Variants in CHN2 observed in about 807,000 individuals in gnomAD.
The protein encoded by CHN2 is chimerin 2.
Under a neutral mutation model 56.3 loss-of-function variants are expected in CHN2, and 35 were observed. The observed-to-expected ratio is 0.62, with a 90% CI of 0.47 to 0.82. CHN2 has a LOEUF of 0.82. Among genes scored for constraint, CHN2 ranks in the 40% least tolerant of loss-of-function variants. CHN2 has a pLI of 0.00. For missense variants in CHN2, 491 were observed against 580.5 expected (o/e 0.85, Z 1.58); for synonymous variants, 210 against 212.8 (o/e 0.99, Z 0.12).
chr7:29,237,552 A>T (rs1374657154), intron 1 of CHN2, among the ~76,000 whole-genome samples: 2 of 152,158 alleles, frequency 1.3e-5, no homozygotes, highest in African/African-American at 2.4e-5. Flanking sequence ...AAAGGAAAAA[A>T]TTTAAAGCAT....
Position 29,507,261 on chromosome 7 carries a change from A to C in CHN2, c.1025A>C (p.Tyr342Ser). ...AAGGCCGATATATCTGCCAATGTCTATCCAGACATAAACATCATCACTGGA... is the reference window on the plus strand; with the variant it reads ...AAGGCCGATATATCTGCCAATGTCTCTCCAGACATAAACATCATCACTGGA... ...GEKADISANV[Y>S]PDINIITGAL... is the part of the protein sequence containing the mutation. The change falls in exon 11 of 13, where the codon TAT becomes TCT. Residue 342 changes from tyrosine (Y) to serine (S), a missense_variant. Tyr to Ser is a moderately radical substitution (Grantham distance 144, BLOSUM62 -2). Transcript: ENST00000222792. 1 of 1,611,982 alleles carries C rather than the reference A, an allele frequency of 6.2e-7. No individual in the cohort carries two copies. Among genetic ancestry groups the C allele is most frequent in the Non-Finnish European group, 8.5e-7 (1 of 1,179,274 alleles).
At chr7:29,335,250 A>T (rs1796529443) in intron 1 of CHN2, among the ~76,000 whole-genome samples, 1 of 152,250 alleles carries the variant, frequency 6.6e-6, no homozygotes, top group Non-Finnish European at 1.5e-5. Flanking sequence ...GCAATATAAC[A>T]GATTAATTCT....
chr7:29,376,408 GCTTCTAATC>G (rs927000236), intron 3 of CHN2: 3 of 152,230 alleles, frequency 2.0e-5, no homozygotes, highest in African/African-American at 7.2e-5. Flanking sequence ...CAATGGCTGG[GCTTCTAATC>G]CAGTGAGTCA....
chr7:29,218,657 C>T (rs1338491935), intron 1 of CHN2, among the ~76,000 whole-genome samples: 1 of 151,912 alleles, frequency 6.6e-6, no homozygotes, highest in Non-Finnish European at 1.5e-5. Flanking sequence ...TTTGTAGGGA[C>T]ATGGATGAAA....
intron 1 of CHN2, among the ~76,000 whole-genome samples, chr7:29,224,739 T>C (rs1178464598): frequency 1.3e-5 from 2 of 152,254 alleles, no homozygotes; most frequent in Non-Finnish European, 2.9e-5. Flanking sequence ...TTTAAAATAA[T>C]CTTATAGTTG....
intron 1 of CHN2, among the ~76,000 whole-genome samples, chr7:29,331,596 C>T (rs1450556619): frequency 1.3e-5 from 2 of 152,120 alleles, no homozygotes; most frequent in African/African-American, 4.8e-5. Flanking sequence ...GAGGTCAACA[C>T]CCTGGCATGG....
intron 6 of CHN2, among the ~76,000 whole-genome samples, chr7:29,474,796 G>C (rs1786452477): frequency 6.6e-6 from 1 of 152,190 alleles, no homozygotes; most frequent in African/African-American, 2.4e-5. Flanking sequence ...CTTGAAGTTT[G>C]TGGAAAGGTT....
chr7:29,197,885 A>G (rs1783867440), intron 1 of CHN2: 1 of 456,188 alleles, frequency 2.2e-6, no homozygotes, highest in Non-Finnish European at 4.4e-6. Flanking sequence ...ATGTCATATG[A>G]GTTGGGCCTT....
chr7:29,320,608 T>C (rs1366731182), intron 1 of CHN2, among the ~76,000 whole-genome samples: 2 of 152,212 alleles, frequency 1.3e-5, no homozygotes, highest in African/African-American at 4.8e-5. Flanking sequence ...TAACAGCTAG[T>C]TGGATCCCAG....
In CHN2 at chr7:29,480,628, T is replaced by C. The variant is rs374240855; in HGVS notation, c.654+272T>C. Among the ~76,000 whole-genome samples the C allele has an allele frequency of 2.6e-5, 4 of 152,342 alleles. No individual in the cohort carries two copies. The East Asian group carries it at 5.8e-4, about 22-fold the overall frequency. The stretch of plus-strand genomic sequence containing the variant: ...GGCCCATTGCCACTTCACGTTCCCA[T>C]GTCCAGTGAAATAAACACAGAGCAT... On this transcript the variant is annotated intron_variant, in intron 7 of 12. Coordinates refer to ENST00000222792, the MANE Select transcript of CHN2 (RefSeq NM_004067.4).
Position 29,328,422 on chromosome 7 carries a change from AGAG to A in CHN2, c.50-26202_50-26200del, listed in dbSNP as rs879781500. On this transcript the variant is annotated intron_variant, in intron 1 of 12. Coordinates refer to ENST00000222792, the MANE Select transcript of CHN2 (RefSeq NM_004067.4). ...AGATATAACAAGAGCATTTCTTTTG[AGAG>A]TTTAACTTGGGCTGAATTTATATAG... Among the ~76,000 whole-genome samples the A allele has an allele frequency of 8.3e-3, 1,258 of 152,284 alleles. 7 individuals carry two copies. The highest frequency in any genetic ancestry group is 0.017 in the Middle Eastern group (5 of 294).
chr7:29,262,463 A>C (rs996275328), intron 1 of CHN2, among the ~76,000 whole-genome samples: 1 of 152,250 alleles, frequency 6.6e-6, no homozygotes, highest in Admixed American at 6.5e-5. Context: ...GAGTTAAATT[A>C]TATCAGGATT....
chr7:29,158,704 T>C (rs1192802037), intron 2 of CHN2, among the ~76,000 whole-genome samples: 5 of 152,238 alleles, frequency 3.3e-5, no homozygotes, highest in African/African-American at 1.2e-4. Flanking sequence ...GTTAACAGTT[T>C]AATATAAAAG....
chr7:29,432,371 A>G (rs1056263910), intron 6 of CHN2, among the ~76,000 whole-genome samples: 52 of 152,192 alleles, frequency 3.4e-4, no homozygotes, highest in African/African-American at 1.3e-3. Context: ...CCCAAGGCTA[A>G]TACCTTTTCT....
chr7:29,322,869 G>A lies in CHN2; in HGVS notation c.50-31756G>A, dbSNP rs560117910. Reference sequence around the variant, plus strand: ...GAAGCAACTTTTGGAGACCACTAGTGTGCTTCCTTGTGGCTGGGTGCGGTG... The same window carrying A: ...GAAGCAACTTTTGGAGACCACTAGTATGCTTCCTTGTGGCTGGGTGCGGTG... On this transcript the variant is annotated intron_variant, in intron 1 of 12. Coordinates refer to ENST00000222792, the MANE Select transcript of CHN2 (RefSeq NM_004067.4). Among the ~76,000 whole-genome samples, 12 of 152,270 alleles carry A rather than the reference G, an allele frequency of 7.9e-5. No homozygotes were observed. In the South Asian group the frequency reaches 2.5e-3, roughly 32 times the overall value.
At chr7:29,252,389 C>A (rs972413745) in intron 1 of CHN2, among the ~76,000 whole-genome samples, 1 of 150,444 alleles carries the variant, frequency 6.6e-6, no homozygotes, top group Non-Finnish European at 1.5e-5. Flanking sequence ...GGAGTTTCAC[C>A]GTGTTAGCCA....
chr7:29,462,859 C>T (rs375889650), intron 6 of CHN2, among the ~76,000 whole-genome samples: 18 of 151,688 alleles, frequency 1.2e-4, no homozygotes, highest in African/African-American at 4.4e-4. Context: ...TGGTGTGCTG[C>T]ACCCAATAAC....
chr7:29,363,948 G>A (rs1798936636), intron 2 of CHN2, among the ~76,000 whole-genome samples: 1 of 152,132 alleles, frequency 6.6e-6, no homozygotes, highest in South Asian at 2.1e-4. Context: ...GGGACAAGAG[G>A]ATTGTTTGAA....
intron 1 of CHN2, among the ~76,000 whole-genome samples, chr7:29,286,344 G>A (rs1201828539): frequency 6.6e-6 from 1 of 151,910 alleles, no homozygotes; most frequent in Admixed American, 6.6e-5. Context: ...AATCTTTTTG[G>A]GGTATCTTAT....
Sources: allele counts gnomAD v4.1 joint callset (sites outside exome capture counted in the v4.1 genomes callset), GRCh38; gene constraint gnomAD v4.1.1; transcripts MANE v1.5; gene names NCBI Gene and HGNC (gene_info 2026-07-23, HGNC 2026-07-21).